The following ABCB11 variants were observed in gnomAD, a reference collection of about 807,000 sequenced individuals.
ABCB11 encodes the protein bile salt export pump.
In ABCB11, 95 loss-of-function variants were observed where a neutral mutation model predicts 148.0. The observed-to-expected ratio is 0.64, with a 90% CI of 0.54 to 0.76. The LOEUF (loss-of-function observed/expected upper bound fraction) is 0.76. Among genes scored for constraint, ABCB11 ranks in the 30% least tolerant of loss-of-function variants. The pLI is 0.00. For synonymous variants in ABCB11, 591 were observed against 555.4 expected, an observed-to-expected ratio of 1.06 and a Z score of -0.90; for missense variants, 1,523 against 1,617.8, an observed-to-expected ratio of 0.94 and a Z score of 1.01.
intron 10 of ABCB11, 105 bp from the exon 11 acceptor site, chr2:168,980,084 C>A (rs1573933765): frequency 1.6e-6 from 1 of 640,946 alleles, no homozygotes; most frequent in Admixed American, 2.4e-5. Context: ...ATCAGAAATT[C>A]TCTTCTGTGG....
intron 14 of ABCB11, among the ~76,000 whole-genome samples, chr2:168,971,095 T>G (rs1168750449): frequency 1.7e-5 from 2 of 119,794 alleles, no homozygotes; most frequent in African/African-American, 3.1e-5. Context: ...CACCTCAGTA[T>G]GAACCTTGTC....
rs182017375 is a variant in ABCB11 at position 169,030,009 on chromosome 2, A to G, written c.-28+1216T>C. ...CCCGCCTCGGCCTCCCAAAGTGCTG[A>G]GATTACAGGCGTGAGCCACCGCGCC... On this transcript the variant is annotated intron_variant, in intron 1 of 27. Transcript: ENST00000650372. Among the ~76,000 whole-genome samples the G allele has an allele frequency of 5.4e-3, 651 of 120,986 alleles. 38 individuals carry two copies. Among genetic ancestry groups the G allele is most frequent in the African/African-American group, 0.021 (631 of 30,738 alleles). The allele number at this position is 120,986 out of a possible 152,430, so 79.4% of individuals were successfully genotyped here.
chr2:168,973,004 T>C (rs1479415585), intron 13 of ABCB11, among the ~76,000 whole-genome samples: 3 of 152,064 alleles, frequency 2.0e-5, no homozygotes, highest in Non-Finnish European at 2.9e-5. Context: ...TAATATGTGA[T>C]AAATAAATGG....
At chr2:168,960,995 G>A (rs1008170422) in intron 18 of ABCB11, among the ~76,000 whole-genome samples, 3 of 151,630 alleles carry the variant, frequency 2.0e-5, no homozygotes, top group South Asian at 4.1e-4. Context: ...GTAAAGAAAT[G>A]CCTGTCAGCA....
At chr2:168,943,918 A>G (rs853791) in intron 21 of ABCB11, among the ~76,000 whole-genome samples, 90,223 of 151,458 alleles carry the variant, frequency 0.6, 27,128 homozygotes, top group South Asian at 0.69. Context: ...ATAATTTTAA[A>G]TTAGGGTTTT....
chr2:169,009,316 T>C (rs1451449193), intron 5 of ABCB11, among the ~76,000 whole-genome samples: 1 of 151,980 alleles, frequency 6.6e-6, no homozygotes, highest in African/African-American at 2.4e-5. Flanking sequence ...TAGCAAAGAC[T>C]TGGAACCAAC....
intron 8 of ABCB11, among the ~76,000 whole-genome samples, chr2:168,991,481 C>G (rs1484071358): frequency 6.6e-6 from 1 of 152,072 alleles, no homozygotes; most frequent in African/African-American, 2.4e-5. Flanking sequence ...CTGTACTTAA[C>G]AGTAGACACA....
At chr2:168,981,104 C>T (rs1179540347) in intron 10 of ABCB11, among the ~76,000 whole-genome samples, 1 of 152,144 alleles carries the variant, frequency 6.6e-6, no homozygotes, top group Non-Finnish European at 1.5e-5. Context: ...AGACCCTTCC[C>T]ATTTGTTGTA....
Position 168,930,724 on chromosome 2 carries a change from C to T in ABCB11, c.3352G>A (p.Gly1118Ser), listed in dbSNP as rs1574398620. The T allele has an allele frequency of 1.2e-6, 2 of 1,602,306 alleles. No homozygotes were observed. Among genetic ancestry groups the T allele is most frequent in the Non-Finnish European group, 1.7e-6 (2 of 1,172,004 alleles). Residue 1118 changes from glycine (G) to serine (S), a missense_variant, in exon 25 of 28, where the codon GGC (glycine) becomes AGC (serine). Physicochemically the swap from Gly to Ser is moderately conservative, Grantham distance 56. Transcript: ENST00000650372. ...AACAGCTGAATGCTAGTGCTTTTGC[C>T]ACATCCACTGCTCCCAACAAACGCC... is the stretch of plus-strand genomic sequence containing the variant. ...TLAFVGSSGC[G>S]KSTSIQLLER...
At chr2:168,974,808 G>C (rs1290493792) in intron 12 of ABCB11, among the ~76,000 whole-genome samples, 1 of 151,552 alleles carries the variant, frequency 6.6e-6, no homozygotes, top group African/African-American at 2.4e-5. Context: ...TACTGAGTGT[G>C]TATTACTTTG....
chr2:168,976,812 G>T, intron 11 of ABCB11, 125 bp from the exon 12 acceptor site: 1 of 504,480 alleles, frequency 2.0e-6, no homozygotes, highest in Non-Finnish European at 3.6e-6. Flanking sequence ...TTGTTGCTCT[G>T]TTTTATGAGT....
chr2:169,000,354 T>C (rs1368109912), intron 5 of ABCB11, among the ~76,000 whole-genome samples: 1 of 152,176 alleles, frequency 6.6e-6, no homozygotes, highest in Non-Finnish European at 1.5e-5. Flanking sequence ...GCTTTTGGTG[T>C]CATCTACATG....
At chr2:169,005,245 G>T (rs1694985190) in intron 5 of ABCB11, among the ~76,000 whole-genome samples, 1 of 151,976 alleles carries the variant, frequency 6.6e-6, no homozygotes, top group African/African-American at 2.4e-5. Context: ...CAGTGGGCAG[G>T]GCCACAGAGT....
intron 8 of ABCB11, among the ~76,000 whole-genome samples, chr2:168,992,231 G>C (rs1309817026): frequency 6.6e-6 from 1 of 151,928 alleles, no homozygotes; most frequent in Non-Finnish European, 1.5e-5. Context: ...AATCAGTGAC[G>C]AGTTTATGAG....
At chr2:168,968,083 G>A (rs114743720) in intron 17 of ABCB11, among the ~76,000 whole-genome samples, 1 of 151,828 alleles carries the variant, frequency 6.6e-6, no homozygotes, top group Non-Finnish European at 1.5e-5. Context: ...ACGTAAGACA[G>A]TGTTTCATAC....
At chr2:168,967,766 G>A (rs538084462) in intron 17 of ABCB11, among the ~76,000 whole-genome samples, 29 of 151,866 alleles carry the variant, frequency 1.9e-4, no homozygotes, top group Non-Finnish European at 4.1e-4. Flanking sequence ...ATACAGACTT[G>A]TAACATCAGA....
intron 8 of ABCB11, 122 bp from the exon 9 acceptor site, chr2:168,991,047 A>G: frequency 1.7e-6 from 2 of 1,184,230 alleles, no homozygotes; most frequent in Non-Finnish European, 2.3e-6. Flanking sequence ...TCACTGTAAC[A>G]TCATTGACAG....
At chr2:168,962,207 T>C (rs1463431252) in intron 18 of ABCB11, among the ~76,000 whole-genome samples, 2 of 151,738 alleles carry the variant, frequency 1.3e-5, no homozygotes, top group African/African-American at 2.4e-5. Context: ...CTATCATTTT[T>C]TCTCTCTTCT....
At chr2:168,993,938 T>C in intron 7 of ABCB11, 56 bp from the exon 8 acceptor site, 1 of 1,411,694 alleles carries the variant, frequency 7.1e-7, no homozygotes, top group Non-Finnish European at 9.8e-7. Context: ...TCAAATATCT[T>C]GCTGAAAGTC....
Sources: gnomAD v4.1 joint callset for allele counts (sites outside exome capture counted in the v4.1 genomes callset) on GRCh38, gnomAD v4.1.1 for gene constraint, MANE v1.5 for transcripts, NCBI Gene and HGNC (gene_info 2026-07-23, HGNC 2026-07-21) for gene names.